SPECC1L: variants seen among roughly 807,000 people sequenced by gnomAD.
SPECC1L encodes cytospin-A.
Under a neutral mutation model 116.8 loss-of-function variants are expected in SPECC1L, and 40 were observed. That is an observed-to-expected ratio of 0.34 (90% confidence interval 0.27 to 0.45). The LOEUF (loss-of-function observed/expected upper bound fraction) is 0.45. Ranked by LOEUF, SPECC1L falls within the 20% of genes least tolerant of loss-of-function variation. The probability of loss-of-function intolerance (pLI) is 1.00; values close to 1 mark genes in which losing one functional copy is unlikely to be tolerated. For synonymous variants in SPECC1L, 504 were observed against 500.6 expected (o/e 1.01, Z -0.09); for missense variants, 1,110 against 1,373.6 (o/e 0.81, Z 3.03).
At chr22:24,318,506 C>T (rs1180125587) in intron 4 of SPECC1L, among the ~76,000 whole-genome samples, 1 of 151,956 alleles carries the variant, frequency 6.6e-6, no homozygotes, top group Non-Finnish European at 1.5e-5. Flanking sequence ...CAGAGGGAGA[C>T]CGTGGAAAGA....
At position 24,325,914 on chromosome 22, in the gene SPECC1L, TA is replaced by T. The variant is rs142670945; in HGVS notation, c.2146+1488del. ...ATTTTCAGCAAATTTCAAGAGAAAT[TA>T]CACTCCTAACATTTTTTGTTTGCTT... is the stretch of plus-strand genomic sequence containing the variant. On this transcript the variant is annotated intron_variant, in intron 6 of 16. Coordinates refer to ENST00000314328, the MANE Select transcript of SPECC1L (RefSeq NM_015330.6). Among the ~76,000 whole-genome samples the T allele has an allele frequency of 8.3e-3, 1,267 of 152,286 alleles. 21 individuals are homozygous for T. Among genetic ancestry groups the T allele is most frequent in the African/African-American group, 0.029 (1,225 of 41,562 alleles).
chr22:24,317,044 C>T lies in SPECC1L; in HGVS notation c.307+3578C>T, dbSNP rs1299918194. Among the ~76,000 whole-genome samples the T allele has an allele frequency of 6.7e-5, 8 of 119,806 alleles. No homozygotes were observed. In the East Asian group the frequency reaches 1.9e-3, roughly 28 times the overall value. The allele number at this position is 119,806 out of a possible 152,430, so 78.6% of individuals were successfully genotyped here. A position where few individuals can be genotyped will look rare whatever the true frequency, so the allele number is the denominator to read the frequency against. ...GCTGGCCGGGCGGGGGGCTGACCCC[C>T]CCACCTCCCTCCCGGAGGGGGTGGC... On this transcript the variant is annotated intron_variant, in intron 4 of 16. Coordinates refer to ENST00000314328, the MANE Select transcript of SPECC1L (RefSeq NM_015330.6).
intron 14 of SPECC1L, among the ~76,000 whole-genome samples, chr22:24,407,348 G>A (rs2042611426): frequency 6.6e-6 from 1 of 152,180 alleles, no homozygotes; most frequent in South Asian, 2.1e-4. Context: ...GTGGGGCGGG[G>A]GTGCTGGAGC....
intron 2 of SPECC1L, among the ~76,000 whole-genome samples, chr22:24,301,324 AAAG>A (rs1419509879): frequency 6.6e-6 from 1 of 150,536 alleles, no homozygotes; most frequent in East Asian, 1.9e-4. Flanking sequence ...ACACTTCTCA[AAAG>A]AAGACATTTA....
chr22:24,335,935 C>T (rs981950670), intron 9 of SPECC1L, among the ~76,000 whole-genome samples: 1 of 151,656 alleles, frequency 6.6e-6, no homozygotes, highest in African/African-American at 2.4e-5. Flanking sequence ...AGTACTGGCA[C>T]AAGTATTATG....
intron 2 of SPECC1L, among the ~76,000 whole-genome samples, chr22:24,294,821 T>A (rs1341060342): frequency 1.3e-5 from 2 of 152,230 alleles, no homozygotes; most frequent in African/African-American, 4.8e-5. Flanking sequence ...GCCTCATAAC[T>A]TTTTAGTAGT....
chr22:24,298,879 C>T (rs2049319786), intron 2 of SPECC1L, among the ~76,000 whole-genome samples: 1 of 152,198 alleles, frequency 6.6e-6, no homozygotes, highest in Admixed American at 6.5e-5. Context: ...TAATATTTGA[C>T]CAAATGTCTG....
In SPECC1L at chr22:24,365,045, G is replaced by A. The variant is rs182864743; in HGVS notation, c.2828-431G>A. ...TTTTGAGATGGAGTCTCTCTCTGTC[G>A]CCCAGGCTGGAGTGCAGAGTGGCGC... On this transcript the variant is annotated intron_variant, in intron 12 of 16. Coordinates refer to ENST00000314328, the MANE Select transcript of SPECC1L (RefSeq NM_015330.6). 2.9e-3 allele frequency among the ~76,000 whole-genome samples: 443 copies of A among 151,958 alleles called. 1 individual carries two copies. Among genetic ancestry groups the A allele is most frequent in the African/African-American group, 0.01 (420 of 41,424 alleles).
At chr22:24,342,093 A>G (rs1286096400) in intron 10 of SPECC1L, among the ~76,000 whole-genome samples, 3 of 152,254 alleles carry the variant, frequency 2.0e-5, no homozygotes, top group Admixed American at 2.0e-4. Context: ...GTCATGCAGC[A>G]TAGGTAACTA....
chr22:24,350,419 A>G (rs571695071), intron 11 of SPECC1L, among the ~76,000 whole-genome samples: 2 of 152,318 alleles, frequency 1.3e-5, no homozygotes, highest in Non-Finnish European at 2.9e-5. Flanking sequence ...GAGGTGAGTG[A>G]AAGAAAGAAG....
Position 24,321,554 on chromosome 22 carries a change from G to A in SPECC1L, c.574G>A (p.Ala192Thr). Residue 192 changes from alanine to threonine, a missense_variant, in exon 5 of 17, where the codon GCA becomes ACA. Coordinates refer to ENST00000314328, the MANE Select transcript of SPECC1L (RefSeq NM_015330.6). ...CAAAGTGAAGGATCTTCTCACGCTG[G>A]CAAAAACCAAAGACGTAGAAATTTT... is the stretch of plus-strand genomic sequence containing the variant. ...EAKVKDLLTL[A>T]KTKDVEILHL... 6.2e-7 allele frequency: 1 copy of A among 1,614,160 alleles called. No individual in the cohort carries two copies. Among genetic ancestry groups the A allele is most frequent in the South Asian group, 1.1e-5 (1 of 91,088 alleles).
chr22:24,299,861 C>T (rs1601517564), intron 2 of SPECC1L, among the ~76,000 whole-genome samples: 2 of 152,196 alleles, frequency 1.3e-5, no homozygotes, highest in East Asian at 3.9e-4. Flanking sequence ...AAAAGAAACC[C>T]TGTATCCATT....
chr22:24,316,544 A>G (rs1222524139), intron 4 of SPECC1L, among the ~76,000 whole-genome samples: 1 of 150,644 alleles, frequency 6.6e-6, no homozygotes, highest in Middle Eastern at 3.2e-3. Context: ...CCCTTAATCC[A>G]TTTAACCCTG....
intron 14 of SPECC1L, among the ~76,000 whole-genome samples, chr22:24,403,931 A>G (rs2042531196): frequency 6.6e-6 from 1 of 152,234 alleles, no homozygotes; most frequent in Non-Finnish European, 1.5e-5. Context: ...CTTGGGCAAC[A>G]TAGTGAGAGA....
chr22:24,360,495 T>C (rs1434361666), intron 11 of SPECC1L, among the ~76,000 whole-genome samples: 1 of 152,158 alleles, frequency 6.6e-6, no homozygotes, highest in Non-Finnish European at 1.5e-5. Flanking sequence ...TCCTTAACCA[T>C]GCAGTAAGAA....
At chr22:24,286,674 C>T (rs1367732445) in intron 2 of SPECC1L, among the ~76,000 whole-genome samples, 4 of 151,984 alleles carry the variant, frequency 2.6e-5, no homozygotes, top group Middle Eastern at 3.2e-3. Context: ...AATAACAGGC[C>T]GTGAACTGTG....
At chr22:24,282,814 G>A (rs1423295844) in intron 2 of SPECC1L, among the ~76,000 whole-genome samples, 1 of 148,568 alleles carries the variant, frequency 6.7e-6, no homozygotes, top group Admixed American at 6.8e-5. Flanking sequence ...GTCGCACCCT[G>A]TCACCCAGGC....
chr22:24,319,378 A>G (rs1480232830), intron 4 of SPECC1L, among the ~76,000 whole-genome samples: 1 of 152,234 alleles, frequency 6.6e-6, no homozygotes, highest in Non-Finnish European at 1.5e-5. Context: ...AGAACTCACT[A>G]TCACGAGAAC....
chr22:24,414,918 A>G lies in SPECC1L; in HGVS notation c.*295A>G, dbSNP rs1346206268. The G allele has an allele frequency of 2.3e-6, 1 of 438,706 alleles. No individual in the cohort carries two copies. The highest frequency in any genetic ancestry group is 4.2e-6 in the Non-Finnish European group (1 of 235,294). 27.2% of individuals were successfully genotyped at this position (438,706 alleles called of 1,614,324 possible). On this transcript the variant is annotated 3_prime_UTR_variant, in exon 17 of 17. Coordinates refer to ENST00000314328, the MANE Select transcript of SPECC1L (RefSeq NM_015330.6). ...TCTGAAGAGAATATTGAACTACACT[A>G]GTGCTCCAGGGCACCAAACAAAAAG...
Sources: allele counts gnomAD v4.1 joint callset (sites outside exome capture counted in the v4.1 genomes callset), GRCh38; gene constraint gnomAD v4.1.1; transcripts MANE v1.5; gene names NCBI Gene and HGNC (gene_info 2026-07-23, HGNC 2026-07-21).